ASTN2: variants seen among roughly 807,000 people sequenced by gnomAD.
The protein encoded by ASTN2 is astrotactin 2.
Under a neutral mutation model 139.8 loss-of-function variants are expected in ASTN2, and 54 were observed. That is an observed-to-expected ratio of 0.39 (90% CI 0.31 to 0.48). The LOEUF is 0.48. Ranked by LOEUF, ASTN2 falls within the 20% of genes least tolerant of loss-of-function variation. The probability of loss-of-function intolerance (pLI) is 0.95; values close to 1 mark genes in which losing one functional copy is unlikely to be tolerated. For missense variants in ASTN2, 1,565 were observed against 1,725.1 expected, an observed-to-expected ratio of 0.91 and a Z score of 1.64; for synonymous variants, 756 against 719.5, an observed-to-expected ratio of 1.05 and a Z score of -0.81.
chr9:116,986,987 G>C (rs530251617), intron 7 of ASTN2, among the ~76,000 whole-genome samples: 2 of 152,170 alleles, frequency 1.3e-5, no homozygotes, highest in Admixed American at 6.5e-5. Flanking sequence ...ATCCTGCCCT[G>C]GTTCTGCAGG....
At chr9:117,410,338 C>A (rs1326005415) in intron 1 of ASTN2, among the ~76,000 whole-genome samples, 1 of 152,098 alleles carries the variant, frequency 6.6e-6, no homozygotes, top group African/African-American at 2.4e-5. Flanking sequence ...ACCTTAGAAG[C>A]CCTGGGCTGG....
At chr9:116,552,614 T>A (rs1852403195) in intron 19 of ASTN2, among the ~76,000 whole-genome samples, 1 of 152,222 alleles carries the variant, frequency 6.6e-6, no homozygotes, top group Admixed American at 6.5e-5. Flanking sequence ...TCAGAGCTCA[T>A]ATATCAAGTC....
At chr9:117,245,739 C>T (rs35802212) in intron 2 of ASTN2, among the ~76,000 whole-genome samples, 2,160 of 152,272 alleles carry the variant, frequency 0.014, 30 homozygotes, top group Middle Eastern at 0.034. Context: ...CTTCTGCCCC[C>T]TGGTATCTGC....
At chr9:117,086,204 C>T (rs1828555191) in intron 5 of ASTN2, among the ~76,000 whole-genome samples, 1 of 152,156 alleles carries the variant, frequency 6.6e-6, no homozygotes, top group African/African-American at 2.4e-5. Flanking sequence ...TTCTACCTTG[C>T]TGGTCTACAG....
intron 19 of ASTN2, among the ~76,000 whole-genome samples, chr9:116,599,983 T>C (rs1854788944): frequency 6.6e-6 from 1 of 152,124 alleles, no homozygotes; most frequent in Non-Finnish European, 1.5e-5. Flanking sequence ...AGTCCACACC[T>C]TGATGCCACA....
intron 10 of ASTN2, among the ~76,000 whole-genome samples, chr9:116,899,341 T>G (rs1299569131): frequency 6.6e-6 from 1 of 152,192 alleles, no homozygotes; most frequent in South Asian, 2.1e-4. Context: ...GGCCTCTTGC[T>G]TTTACATGGG....
intron 11 of ASTN2, among the ~76,000 whole-genome samples, chr9:116,846,207 G>A (rs80254151): frequency 0.015 from 2,260 of 152,260 alleles, 29 homozygotes; most frequent in Non-Finnish European, 0.023. Context: ...TGGGGGAAGG[G>A]AGAATGAGGA....
intron 10 of ASTN2, among the ~76,000 whole-genome samples, chr9:116,900,836 T>C (rs1479502640): frequency 6.6e-6 from 1 of 152,160 alleles, no homozygotes; most frequent in African/African-American, 2.4e-5. Context: ...GGACAGCACA[T>C]TTACTTTGTA....
chr9:116,941,066 T>C (rs907326047), intron 10 of ASTN2, among the ~76,000 whole-genome samples: 4 of 152,180 alleles, frequency 2.6e-5, no homozygotes, highest in African/African-American at 7.2e-5. Flanking sequence ...TCTATTTTTG[T>C]GTAAGTACAT....
chr9:116,520,122 TA>T (rs755914259), intron 19 of ASTN2, among the ~76,000 whole-genome samples: 7 of 151,702 alleles, frequency 4.6e-5, no homozygotes, highest in Non-Finnish European at 1.0e-4. Context: ...TTCCAAAAGA[TA>T]AAGAGGGAAT....
At chr9:116,632,189 A>AGG in intron 17 of ASTN2, among the ~76,000 whole-genome samples, 1 of 16,256 alleles carries the variant, frequency 6.2e-5, no homozygotes, top group East Asian at 3.6e-3. Flanking sequence ...AGAGAGGGAG[A>AGG]GAGAGAGAAA....
In ASTN2 at chr9:116,665,913, T is replaced by C. The variant is rs527412847; in HGVS notation, c.2807-14120A>G. 3.4e-3 allele frequency among the ~76,000 whole-genome samples: 512 copies of C among 152,312 alleles called. 2 individuals carry two copies. Among genetic ancestry groups the C allele is most frequent in the Non-Finnish European group, 6.1e-3 (415 of 68,030 alleles). ...AAGCTCATCAGTTACTACTGGAGACTGCTAGGAGACAAACATATTATTCTA... is the reference window on the plus strand; with the variant it reads ...AAGCTCATCAGTTACTACTGGAGACCGCTAGGAGACAAACATATTATTCTA... On this transcript the variant is annotated intron_variant, in intron 16 of 22. Coordinates refer to ENST00000313400, the MANE Select transcript of ASTN2 (RefSeq NM_001365068.1).
intron 19 of ASTN2, among the ~76,000 whole-genome samples, chr9:116,526,679 C>T (rs772285361): frequency 2.7e-5 from 4 of 150,606 alleles, no homozygotes; most frequent in African/African-American, 9.8e-5. Flanking sequence ...AGAAATACTG[C>T]GAAAGTAAAT....
At chr9:116,792,093 TC>T (rs1830575601) in intron 13 of ASTN2, among the ~76,000 whole-genome samples, 1 of 152,166 alleles carries the variant, frequency 6.6e-6, no homozygotes, top group Non-Finnish European at 1.5e-5. Context: ...TATTTTTCTT[TC>T]CTCTCTTACC....
chr9:116,992,168 C>T (rs1239667494), intron 7 of ASTN2, among the ~76,000 whole-genome samples: 3 of 152,154 alleles, frequency 2.0e-5, no homozygotes, highest in African/African-American at 7.2e-5. Context: ...TTAATATGTT[C>T]TCAAGAGGAA....
At chr9:117,349,358 T>A (rs1004322631) in intron 1 of ASTN2, among the ~76,000 whole-genome samples, 1 of 152,160 alleles carries the variant, frequency 6.6e-6, no homozygotes, top group Non-Finnish European at 1.5e-5. Flanking sequence ...TGCCTCCCTA[T>A]CTAAGAAAAG....
At chr9:116,997,417 G>A (rs1209948235) in intron 7 of ASTN2, among the ~76,000 whole-genome samples, 1 of 152,082 alleles carries the variant, frequency 6.6e-6, no homozygotes, top group Non-Finnish European at 1.5e-5. Context: ...TGCTGTCACA[G>A]TTCCTTCTAC....
intron 12 of ASTN2, among the ~76,000 whole-genome samples, chr9:116,817,506 G>C (rs1179652239): frequency 6.6e-6 from 1 of 152,144 alleles, no homozygotes; most frequent in East Asian, 1.9e-4. Context: ...AGAGGGAACA[G>C]TGTTGTGAAA....
intron 7 of ASTN2, among the ~76,000 whole-genome samples, chr9:116,991,869 C>T (rs865874522): frequency 1.1e-4 from 17 of 152,222 alleles, no homozygotes; most frequent in African/African-American, 4.1e-4. Context: ...GTCTCTTTTG[C>T]TTCTCTCCCT....
Sources: allele counts gnomAD v4.1 joint callset (sites outside exome capture counted in the v4.1 genomes callset), GRCh38; gene constraint gnomAD v4.1.1; transcripts MANE v1.5; gene names NCBI Gene and HGNC (gene_info 2026-07-23, HGNC 2026-07-21).